Variants in ARHGEF19 observed in about 807,000 individuals in gnomAD.
The protein encoded by ARHGEF19 is Rho guanine nucleotide exchange factor 19, also known as Rho guanine nucleotide exchange factor (GEF) 19.
A neutral mutation model predicts 87.6 loss-of-function variants in ARHGEF19; 92 were observed. That is an observed-to-expected ratio of 1.05 (90% CI 0.89 to 1.25). The LOEUF (loss-of-function observed/expected upper bound fraction) is 1.25, where lower values mean the gene tolerates loss of function less well. Among genes scored for constraint, ARHGEF19 ranks in the 50% most tolerant of loss-of-function variants. ARHGEF19 has a pLI of 0.00. For synonymous variants in ARHGEF19, 438 were observed against 446.2 expected, an observed-to-expected ratio of 0.98 and a Z score of 0.23; for missense variants, 1,054 against 1,051.8, an observed-to-expected ratio of 1.00 and a Z score of -0.03.
intron 14 of ARHGEF19, among the ~76,000 whole-genome samples, chr1:16,200,552 T>C (rs1165171122): frequency 6.6e-6 from 1 of 151,572 alleles, no homozygotes; most frequent in Non-Finnish European, 1.5e-5. Flanking sequence ...AGACCAGCCA[T>C]GGTCAACATG....
Position 16,205,171 on chromosome 1 carries a change from C to A in ARHGEF19, c.1662G>T (p.Val554=), listed in dbSNP as rs1318645043. The change falls in exon 11 of 16, where the codon GTG becomes GTT. Residue 554 remains valine (V), a synonymous_variant. Coordinates refer to ENST00000270747, the MANE Select transcript of ARHGEF19 (RefSeq NM_153213.5). The surrounding 1 kb of genome is among the most constrained non-coding windows in gnomAD (Gnocchi z 5.8). ...ACTGTACACTAGCATTGCACTCCTGCACCAGCTGGGGGAGCCGTGGGGAGG... is the reference window on the plus strand; with the variant it reads ...ACTGTACACTAGCATTGCACTCCTGAACCAGCTGGGGGAGCCGTGGGGAGG... The part of the protein sequence containing the change: ...TKAFNALKEL[V]QECNASVQSM... The A allele has an allele frequency of 1.9e-6, 3 of 1,597,752 alleles. No individual in the cohort carries two copies. Among genetic ancestry groups the A allele is most frequent in the African/African-American group, 2.7e-5 (2 of 74,694 alleles).
intron 1 of ARHGEF19, among the ~76,000 whole-genome samples, chr1:16,211,782 A>G (rs1402162502): frequency 6.6e-6 from 1 of 152,228 alleles, no homozygotes; most frequent in Non-Finnish European, 1.5e-5. Context: ...CTCTGTTAGA[A>G]AAAAACAAAC....
chr1:16,208,359 C>T (rs943770861), intron 2 of ARHGEF19, 134 bp from the exon 3 acceptor site: 1 of 1,215,394 alleles, frequency 8.2e-7, no homozygotes, highest in Non-Finnish European at 1.1e-6. Context: ...TTTCTGCTAG[C>T]ATCTGGTCCC....
Position 16,207,505 on chromosome 1 carries a change from A to AC in ARHGEF19, c.874+16dup, listed in dbSNP as rs774490832. 19 of 1,611,982 alleles carry AC rather than the reference A, an allele frequency of 1.2e-5. No homozygotes were observed. The highest frequency in any genetic ancestry group is 5.0e-5 in the Admixed American group (3 of 59,904). ...CTTCCTCCGTTACCTCCTCCCAGGGACCCCCCTCCCACGTACAGTTAAGGA... is the reference window on the plus strand; with the variant it reads ...CTTCCTCCGTTACCTCCTCCCAGGGACCCCCCCTCCCACGTACAGTTAAGGA... On this transcript the variant is annotated intron_variant, in intron 5 of 15. Transcript: ENST00000270747. The surrounding 1 kb of genome is among the most constrained non-coding windows in gnomAD (Gnocchi z 4.0).
rs778835248 is a variant in ARHGEF19 at position 16,202,456 on chromosome 1, G to A, written c.2026C>T (p.Gln676Ter). The A allele has an allele frequency of 1.2e-6, 2 of 1,614,174 alleles. No individual in the cohort carries two copies. The highest frequency in any genetic ancestry group is 2.2e-5 in the East Asian group (1 of 44,894). Residue 676 changes from glutamine (Q) to a stop codon, truncating the protein, a stop_gained, in exon 13 of 16, where the codon CAG (glutamine) becomes TAG (stop). Transcript: ENST00000270747. LOFTEE classifies it high-confidence loss of function. ...AGCAGGAACTGGTGCTTCATGTGCT[G>A]CCCGTGGAGGAGCTGGAGGAGGAAC... ...HVFLLQLLHG[Q>*]HMKHQFLLRA... is the part of the protein sequence containing the mutation.
intron 2 of ARHGEF19, 50 bp downstream of exon 2, chr1:16,208,593 C>G (rs760378878): frequency 1.3e-6 from 2 of 1,540,642 alleles, no homozygotes; most frequent in African/African-American, 2.8e-5. Flanking sequence ...CAGCCCCTCC[C>G]CTATCCCCCT....
Position 16,206,464 on chromosome 1 carries a change from T to G in ARHGEF19, c.1138-124A>C. On this transcript the variant is annotated intron_variant, in intron 6 of 15. Transcript: ENST00000270747. The surrounding 1 kb of genome is among the most constrained non-coding windows in gnomAD (Gnocchi z 4.6). ...CTCGCCCCTTCTCTAGCCCCACTCC[T>G]AATCTGGCGCCGGGCGGGCCCGGCG... 1.8e-6 allele frequency: 2 copies of G among 1,103,722 alleles called. No homozygotes were observed. The highest frequency in any genetic ancestry group is 2.6e-6 in the Non-Finnish European group (2 of 765,418). The allele number at this position is 1,103,722 out of a possible 1,614,324, so 68.4% of individuals were successfully genotyped here.
chr1:16,198,397 C>T lies in ARHGEF19; in HGVS notation c.*190G>A, dbSNP rs1451825536. ...TATCCTTGGCCTTGAAGTGTGGACA[C>T]TGAGGAGCATGAGGACGGAGAGACC... On this transcript the variant is annotated 3_prime_UTR_variant, in exon 16 of 16. Transcript: ENST00000270747. This position sits in a 1 kb window ranked among gnomAD's most constrained non-coding sequence, Gnocchi z 4.1. 14 of 553,328 alleles carry T rather than the reference C, an allele frequency of 2.5e-5. No individual in the cohort carries two copies. The highest frequency in any genetic ancestry group is 6.9e-5 in the Admixed American group (2 of 28,898). The allele number at this position is 553,328 out of a possible 1,614,324, so 34.3% of individuals were successfully genotyped here.
Position 16,206,601 on chromosome 1 carries a change from C to G in ARHGEF19, c.1138-261G>C, listed in dbSNP as rs221053. On this transcript the variant is annotated intron_variant, in intron 6 of 15. Coordinates refer to ENST00000270747, the MANE Select transcript of ARHGEF19 (RefSeq NM_153213.5). This position sits in a 1 kb window ranked among gnomAD's most constrained non-coding sequence, Gnocchi z 4.6. ...CCAGAGCCCCGCCCACCCCCCAGGT[C>G]CCGCCCCTGATCCTGGCCCCGCCTT... 3.5e-5 allele frequency: 14 copies of G among 401,158 alleles called. No individual in the cohort carries two copies. The Admixed American group carries it at 5.7e-4, about 16-fold the overall frequency. The allele number at this position is 401,158 out of a possible 1,614,324, so 24.8% of individuals were successfully genotyped here.
chr1:16,202,006 C>T, intron 13 of ARHGEF19, 145 bp from the exon 14 acceptor site: 1 of 817,538 alleles, frequency 1.2e-6, no homozygotes. Context: ...TGCCCCACCC[C>T]AGGGCCCACC....
At chr1:16,199,629 G>A (rs1345063986) in intron 14 of ARHGEF19, among the ~76,000 whole-genome samples, 2 of 151,984 alleles carry the variant, frequency 1.3e-5, no homozygotes, top group Admixed American at 1.3e-4. Flanking sequence ...CCTGCAATGT[G>A]CCCCTAACAT....
At chr1:16,201,672 T>G in intron 14 of ARHGEF19, 110 bp downstream of exon 14, 1 of 1,146,740 alleles carries the variant, frequency 8.7e-7, no homozygotes, top group South Asian at 1.6e-5. Context: ...GCCCCAGAAG[T>G]TGGTCTCTCT....
chr1:16,204,598 C>A (rs1002379331), intron 12 of ARHGEF19, among the ~76,000 whole-genome samples, 161 bp downstream of exon 12: 4 of 152,210 alleles, frequency 2.6e-5, no homozygotes, highest in African/African-American at 9.7e-5. Flanking sequence ...ACATCTCTGC[C>A]TTTGCTTCAG....
chr1:16,200,358 T>TGGGCC lies in ARHGEF19; in HGVS notation c.2147-1109_2147-1105dup, dbSNP rs572196941. Among the ~76,000 whole-genome samples, 7 of 152,378 alleles carry TGGGCC rather than the reference T, an allele frequency of 4.6e-5. No homozygotes were observed. In the South Asian group the frequency reaches 1.2e-3, roughly 27 times the overall value. On this transcript the variant is annotated intron_variant, in intron 14 of 15. Coordinates refer to ENST00000270747, the MANE Select transcript of ARHGEF19 (RefSeq NM_153213.5). ...AATGCAAATACAAGGCCCCTAGCCCTGGGCCTGGCCTATGGCAGGCGCTCA... is the reference window on the plus strand; with the variant it reads ...AATGCAAATACAAGGCCCCTAGCCCTGGGCCGGGCCTGGCCTATGGCAGGCGCTCA...
Position 16,205,489 on chromosome 1 carries a change from G to A in ARHGEF19, c.1581+49C>T. The A allele has an allele frequency of 6.2e-7, 1 of 1,613,286 alleles. No homozygotes were observed. On this transcript the variant is annotated intron_variant, in intron 9 of 15. Coordinates refer to ENST00000270747, the MANE Select transcript of ARHGEF19 (RefSeq NM_153213.5). The surrounding 1 kb of genome is among the most constrained non-coding windows in gnomAD (Gnocchi z 5.8). ...CTCCCGAGACCCGGCCCGCCCACAG[G>A]TGTATCTCCCTCGCCCAGCCCTCAC... is the stretch of plus-strand genomic sequence containing the variant.
At chr1:16,210,462 T>C (rs2081189131) in intron 1 of ARHGEF19, among the ~76,000 whole-genome samples, 2 of 152,034 alleles carry the variant, frequency 1.3e-5, no homozygotes, top group Admixed American at 6.5e-5. Context: ...CAGAGACCAC[T>C]TAGCCAGTAA....
intron 14 of ARHGEF19, 94 bp from the exon 15 acceptor site, chr1:16,199,348 G>A (rs971129855): frequency 8.8e-6 from 9 of 1,026,974 alleles, no homozygotes; most frequent in Admixed American, 5.7e-5. Context: ...GAGGAAGTAA[G>A]GGGGTGGGAA....
chr1:16,207,097 G>A lies in ARHGEF19; in HGVS notation c.988C>T (p.Pro330Ser), dbSNP rs2081146112. ...EAEGAEEGPG[P>S]PRANLSPSSS... Reference sequence around the variant, plus strand: ...CTGGGGGAGAGGTTGGCCCGCGGCGGCCCCGGCCCCTCCTCTGCGCCCTCG... The same window carrying A: ...CTGGGGGAGAGGTTGGCCCGCGGCGACCCCGGCCCCTCCTCTGCGCCCTCG... Residue 330 changes from proline to serine, a missense_variant, in exon 6 of 16, where the codon CCG becomes TCG. By Grantham distance (74) the Pro-to-Ser change is moderately conservative (BLOSUM62 -1). Coordinates refer to ENST00000270747, the MANE Select transcript of ARHGEF19 (RefSeq NM_153213.5). The surrounding 1 kb of genome is among the most constrained non-coding windows in gnomAD (Gnocchi z 4.0). 1.3e-6 allele frequency: 2 copies of A among 1,509,226 alleles called. No homozygotes were observed. The highest frequency in any genetic ancestry group is 1.5e-5 in the African/African-American group (1 of 68,748). The allele number at this position is 1,509,226 out of a possible 1,614,324, so 93.5% of individuals were successfully genotyped here.
At position 16,207,451 on chromosome 1, in the gene ARHGEF19, C is replaced by T. The variant is rs1408496181; in HGVS notation, c.874+71G>A. 7 of 1,583,346 alleles carry T rather than the reference C, an allele frequency of 4.4e-6. No individual in the cohort carries two copies. The highest frequency in any genetic ancestry group is 5.2e-6 in the Non-Finnish European group (6 of 1,157,154). ...TCCCTACCTCTCAACTCTCCAAACC[C>T]TCTTTTCCCCGTTTCCACACCGCAG... On this transcript the variant is annotated intron_variant, in intron 5 of 15. Transcript: ENST00000270747. This position sits in a 1 kb window ranked among gnomAD's most constrained non-coding sequence, Gnocchi z 4.0.
Sources: allele counts gnomAD v4.1 joint callset (sites outside exome capture counted in the v4.1 genomes callset), GRCh38; gene constraint gnomAD v4.1.1; non-coding constraint Gnocchi (gnomAD v3.1); transcripts MANE v1.5; gene names NCBI Gene and HGNC (gene_info 2026-07-23, HGNC 2026-07-21).